The following RGL2 variants were observed in gnomAD, a reference collection of about 807,000 sequenced individuals.
RGL2 encodes the protein ral guanine nucleotide dissociation stimulator-like 2.
RGL2 carries 40 observed loss-of-function variants against 84.6 expected under a neutral mutation model. That is an observed-to-expected ratio of 0.47 (90% confidence interval 0.37 to 0.62). RGL2 has a LOEUF of 0.62. Among genes scored for constraint, RGL2 ranks in the 20% least tolerant of loss-of-function variants. The pLI is 0.00. For synonymous variants in RGL2, 369 were observed against 417.3 expected (o/e 0.88, Z 1.41); for missense variants, 865 against 1,019.7 (o/e 0.85, Z 2.07).
At chr6:33,300,079 G>A (rs950929413), upstream of RGL2, 5 of 154,064 alleles carry the variant, frequency 3.2e-5, no homozygotes, top group African/African-American at 9.6e-5. Context: ...AAAGGGAACA[G>A]AGGACTGGGA....
chr6:33,299,914 C>T (rs1562675827), upstream of RGL2: 1 of 153,078 alleles, frequency 6.5e-6, no homozygotes, highest in Non-Finnish European at 1.5e-5. This position sits in a 1 kb window ranked among gnomAD's most constrained non-coding sequence, Gnocchi z 5.0. Flanking sequence ...CCTCGAGGAG[C>T]CCATGATCCG....
In RGL2 at chr6:33,292,508, G is replaced by A. The variant is rs758127796; in HGVS notation, c.2044C>T (p.Arg682Cys). The part of the protein sequence containing the change: ...SQDKAPSVIS[R>C]VLKKNNRDSA... The stretch of plus-strand genomic sequence containing the variant: ...TCACGATTGTTTTTCTTAAGGACAC[G>A]ACTGATGACACTTGGAGCCTTGTCC... Residue 682 changes from arginine (R) to cysteine (C), a missense_variant, in exon 17 of 18, where the codon CGT (arginine) becomes TGT (cysteine). Transcript: ENST00000497454. The A allele has an allele frequency of 2.5e-6, 4 of 1,614,058 alleles. No individual in the cohort carries two copies. The highest frequency in any genetic ancestry group is 1.1e-5 in the South Asian group (1 of 91,088).
Position 33,296,524 on chromosome 6 carries a change from A to G in RGL2, c.420-60T>C. 6.3e-7 allele frequency: 1 copy of G among 1,586,588 alleles called. No homozygotes were observed. The highest frequency in any genetic ancestry group is 2.2e-5 in the East Asian group (1 of 44,622). On this transcript the variant is annotated intron_variant, in intron 4 of 17. Transcript: ENST00000497454. The surrounding 1 kb of genome is among the most constrained non-coding windows in gnomAD (Gnocchi z 5.0). ...TCCCAAACCCTCAGTGGCTTTGACT[A>G]TTTTGGTGGGATGTTGCGGCTTTAG...
In RGL2 at chr6:33,298,164, TAGGCACACTC is replaced by T; in HGVS notation, c.156+281_156+290del. The T allele has an allele frequency of 3.0e-6, 1 of 334,898 alleles. No homozygotes were observed. 20.7% of individuals were successfully genotyped at this position (334,898 alleles called of 1,614,324 possible). A position where few individuals can be genotyped will look rare whatever the true frequency, so the allele number is the denominator to read the frequency against. ...ACCAAGACACGACTGCTCAGAGAGG[TAGGCACACTC>T]AGGCAGGCAGAGGTGGAGGGCCAAA... On this transcript the variant is annotated intron_variant, in intron 2 of 17. Transcript: ENST00000497454. This position sits in a 1 kb window ranked among gnomAD's most constrained non-coding sequence, Gnocchi z 4.8.
At position 33,296,153 on chromosome 6, in the gene RGL2, C is replaced by G. The variant is rs1271892819; in HGVS notation, c.643G>C (p.Val215Leu). 6.2e-6 allele frequency: 10 copies of G among 1,613,808 alleles called. No individual in the cohort carries two copies. In the Admixed American group the frequency reaches 1.5e-4, roughly 24 times the overall value. The change falls in exon 6 of 18, where the codon GTG becomes CTG. Residue 215 changes from valine (V) to leucine (L), a missense_variant. This residue lies in a region of RGL2 where 455 missense variants were observed against 507.8 expected (regional missense o/e 0.90). Coordinates refer to ENST00000497454, the MANE Select transcript of RGL2 (RefSeq NM_004761.5). This position sits in a 1 kb window ranked among gnomAD's most constrained non-coding sequence, Gnocchi z 5.0. ...ADLIRNLRSR[V>L]DPQAPDLPKP... ...GGAAGGTCGGGGGCCTGGGGGTCCA[C>G]CCGGGACCGGAGATTGCGGATGAGG...
At chr6:33,300,538 G>GT (rs1428965696), upstream of RGL2, 2 of 151,538 alleles carry the variant, frequency 1.3e-5, no homozygotes, top group African/African-American at 4.9e-5. Context: ...GCGGGCCCCT[G>GT]TAGTCCCAGC....
At chr6:33,301,481 A>G (rs1768576506), upstream of RGL2, 1 of 451,830 alleles carries the variant, frequency 2.2e-6, no homozygotes, top group Non-Finnish European at 3.9e-6. Flanking sequence ...GGCTGAAGCC[A>G]CAGAATTGCT....
intron 16 of RGL2, 47 bp downstream of exon 16, chr6:33,292,969 A>C (rs772390258): frequency 3.7e-5 from 60 of 1,611,370 alleles, no homozygotes; most frequent in Non-Finnish European, 4.9e-5. Context: ...TTTATAGTCC[A>C]ACAAGACACC....
Position 33,298,548 on chromosome 6 carries a change from G to A in RGL2, c.63C>T (p.Ser21=), listed in dbSNP as rs1164421307. 3 of 1,497,558 alleles carry A rather than the reference G, an allele frequency of 2.0e-6. No homozygotes were observed. Among genetic ancestry groups the A allele is most frequent in the East Asian group, 5.4e-5 (2 of 37,204 alleles). The allele number at this position is 1,497,558 out of a possible 1,614,324, so 92.8% of individuals were successfully genotyped here. ...CTTCGGGGTCCCGGCTTCGGAAGCT[G>A]CTCAGTACGACTCCCCCGGGGGGGC... ...DTSPPGGVVL[S]SFRSRDPEEG... Residue 21 remains serine (S), a synonymous_variant, in exon 2 of 18, where the codon AGC becomes AGT. Transcript: ENST00000497454. The surrounding 1 kb of genome is among the most constrained non-coding windows in gnomAD (Gnocchi z 4.8).
rs1768223478 is a variant in RGL2, at chr6:33,298,418, T to C, written c.156+37A>G. On this transcript the variant is annotated intron_variant, in intron 2 of 17. Coordinates refer to ENST00000497454, the MANE Select transcript of RGL2 (RefSeq NM_004761.5). This position sits in a 1 kb window ranked among gnomAD's most constrained non-coding sequence, Gnocchi z 4.8. ...AAGAGAAAAGTGGAGACTTCAGAAATACATACGCCCCCTACCTCCCACCAC... is the reference window on the plus strand; with the variant it reads ...AAGAGAAAAGTGGAGACTTCAGAAACACATACGCCCCCTACCTCCCACCAC... 1.7e-6 allele frequency: 2 copies of C among 1,176,844 alleles called. No individual in the cohort carries two copies. Among genetic ancestry groups the C allele is most frequent in the East Asian group, 5.7e-5 (2 of 35,200 alleles). The allele number at this position is 1,176,844 out of a possible 1,614,324, so 72.9% of individuals were successfully genotyped here. A position where few individuals can be genotyped will look rare whatever the true frequency, so the allele number is the denominator to read the frequency against.
rs371210281 is a variant in RGL2, at chr6:33,292,455, C to T, written c.2097G>A (p.Leu699=). The T allele has an allele frequency of 2.5e-6, 4 of 1,614,002 alleles. No homozygotes were observed. The highest frequency in any genetic ancestry group is 2.5e-6 in the Non-Finnish European group (3 of 1,180,006). ...CTCGCTCCCCTGGTAGCAGCTGTAC[C>T]AGCTCATACTCTGAAGCCACTGCAG... ...RDSAVASEYE[L]VQLLPGEREL... is the part of the protein sequence containing the mutation. Residue 699 remains leucine, a synonymous_variant, in exon 17 of 18, where the codon CTG becomes CTA. Coordinates refer to ENST00000497454, the MANE Select transcript of RGL2 (RefSeq NM_004761.5).
Position 33,295,063 on chromosome 6 carries a change from A to G in RGL2, c.1210-18T>C. ...TTCACCTCCTGGTGGTGACAAAATAAAAGAGACATGGGGGAGCAGTAGGGA... is the reference window on the plus strand; with the variant it reads ...TTCACCTCCTGGTGGTGACAAAATAGAAGAGACATGGGGGAGCAGTAGGGA... On this transcript the variant is annotated intron_variant, in intron 9 of 17. Transcript: ENST00000497454. The surrounding 1 kb of genome is among the most constrained non-coding windows in gnomAD (Gnocchi z 7.2). 1 of 1,584,058 alleles carries G rather than the reference A, an allele frequency of 6.3e-7. No homozygotes were observed. The highest frequency in any genetic ancestry group is 1.8e-5 in the Admixed American group (1 of 56,124).
At position 33,298,730 on chromosome 6, in the gene RGL2, G is replaced by T; in HGVS notation, c.-41-79C>A. ...CCGGGCAGGGAAGGGACGTGGGTGG[G>T]TGTCAAGAAGACCGGAAGGGAGTTC... On this transcript the variant is annotated intron_variant, in intron 1 of 17. Transcript: ENST00000497454. This position sits in a 1 kb window ranked among gnomAD's most constrained non-coding sequence, Gnocchi z 4.8. The T allele has an allele frequency of 1.7e-6, 1 of 602,960 alleles. No individual in the cohort carries two copies. Among genetic ancestry groups the T allele is most frequent in the Non-Finnish European group, 2.7e-6 (1 of 367,784 alleles). The allele number at this position is 602,960 out of a possible 1,614,324, so 37.4% of individuals were successfully genotyped here.
rs1419668538 is a variant in RGL2, at chr6:33,295,625, C to G, written c.903G>C (p.Val301=). 1.2e-6 allele frequency: 2 copies of G among 1,614,022 alleles called. No individual in the cohort carries two copies. Among genetic ancestry groups the G allele is most frequent in the Non-Finnish European group, 1.7e-6 (2 of 1,180,050 alleles). Residue 301 remains valine (V), a synonymous_variant, in exon 7 of 18, where the codon GTG becomes GTC. Coordinates refer to ENST00000497454, the MANE Select transcript of RGL2 (RefSeq NM_004761.5). The surrounding 1 kb of genome is among the most constrained non-coding windows in gnomAD (Gnocchi z 7.2). ...VTQFNKVAGA[V]VSSVLGATST... is the part of the protein sequence containing the mutation. ...AAGTAGCCCCCAGGACAGAACTAAC[C>G]ACTGCCCCTGCCACCTTGTTAAACT...
In RGL2 at chr6:33,295,933, G is replaced by A. The variant is rs1767901642; in HGVS notation, c.768+95C>T. 1 of 1,507,568 alleles carries A rather than the reference G, an allele frequency of 6.6e-7. No homozygotes were observed. The highest frequency in any genetic ancestry group is 1.8e-5 in the Admixed American group (1 of 56,936). 93.4% of individuals were successfully genotyped at this position (1,507,568 alleles called of 1,614,324 possible). On this transcript the variant is annotated intron_variant, in intron 6 of 17. Transcript: ENST00000497454. The surrounding 1 kb of genome is among the most constrained non-coding windows in gnomAD (Gnocchi z 7.2). ...TGGTAGGTGGAGGAGGCTAGGAGCT[G>A]GATCAGGAAGGGGTGGAAGCAAGGA...
rs368299520 is a variant in RGL2, at chr6:33,295,665, C to A, written c.863G>T (p.Arg288Leu). Residue 288 changes from arginine to leucine, a missense_variant, in exon 7 of 18, where the codon CGA becomes CTA. Coordinates refer to ENST00000497454, the MANE Select transcript of RGL2 (RefSeq NM_004761.5). The surrounding 1 kb of genome is among the most constrained non-coding windows in gnomAD (Gnocchi z 7.2). ...CTTGTTAAACTGTGTGACAGTAGCT[C>A]GGACAGATGGGCAGAGGTGAGAATG... ...PGHSHLCPSV[R>L]ATVTQFNKVA... 6.2e-7 allele frequency: 1 copy of A among 1,613,788 alleles called. No homozygotes were observed. Among genetic ancestry groups the A allele is most frequent in the Non-Finnish European group, 8.5e-7 (1 of 1,180,054 alleles).
At position 33,297,202 on chromosome 6, in the gene RGL2, T is replaced by G. The variant is rs539185348; in HGVS notation, c.157-87A>C. On this transcript the variant is annotated intron_variant, in intron 2 of 17. Transcript: ENST00000497454. The surrounding 1 kb of genome is among the most constrained non-coding windows in gnomAD (Gnocchi z 4.0). ...TCACCCCAGGCCCTGCTCCTCCCTC[T>G]GTACCCCTCACCTGTGGTGGCAGGG... is the stretch of plus-strand genomic sequence containing the variant. The G allele has an allele frequency of 1.5e-4, 151 of 1,020,144 alleles. No individual in the cohort carries two copies. The African/African-American group carries it at 2.0e-3, about 14-fold the overall frequency. 63.2% of individuals were successfully genotyped at this position (1,020,144 alleles called of 1,614,324 possible). A position where few individuals can be genotyped will look rare whatever the true frequency, so the allele number is the denominator to read the frequency against.
chr6:33,298,640 C>T lies in RGL2; in HGVS notation c.-30G>A. 1 of 1,423,026 alleles carries T rather than the reference C, an allele frequency of 7.0e-7. No individual in the cohort carries two copies. Among genetic ancestry groups the T allele is most frequent in the Non-Finnish European group, 9.2e-7 (1 of 1,086,798 alleles). The allele number at this position is 1,423,026 out of a possible 1,614,324, so 88.1% of individuals were successfully genotyped here. A position where few individuals can be genotyped will look rare whatever the true frequency, so the allele number is the denominator to read the frequency against. On this transcript the variant is annotated 5_prime_UTR_variant, in exon 2 of 18. Transcript: ENST00000497454. The surrounding 1 kb of genome is among the most constrained non-coding windows in gnomAD (Gnocchi z 4.8). ...GAGTGAAGGAATCAGCGGGGTCGGG[C>T]CATGGGGGCGCCTGGGGAGAGACGG...
At chr6:33,299,822 AC>A (rs1214954478), upstream of RGL2, 1 of 152,286 alleles carries the variant, frequency 6.6e-6, no homozygotes, top group Non-Finnish European at 1.5e-5. This position sits in a 1 kb window ranked among gnomAD's most constrained non-coding sequence, Gnocchi z 5.0. Context: ...TCCAGCAGCT[AC>A]TTGATGAGCG....
Sources: allele counts gnomAD v4.1 joint callset, GRCh38; gene constraint gnomAD v4.1.1; regional missense constraint gnomAD v4.1.1; non-coding constraint Gnocchi (gnomAD v3.1); transcripts MANE v1.5; gene names NCBI Gene and HGNC (gene_info 2026-07-23, HGNC 2026-07-21).